PEA15: variants seen among roughly 807,000 people sequenced by gnomAD.
The protein encoded by PEA15 is astrocytic phosphoprotein PEA-15.
For missense variants in PEA15, 77 were observed against 161.3 expected, an observed-to-expected ratio of 0.48 and a Z score of 2.83; for synonymous variants, 60 against 61.8, an observed-to-expected ratio of 0.97 and a Z score of 0.13.
intron 1 of PEA15, among the ~76,000 whole-genome samples, chr1:160,207,849 G>A (rs951769123): frequency 1.3e-5 from 2 of 152,132 alleles, no homozygotes; most frequent in African/African-American, 2.4e-5. Flanking sequence ...CTGCCTCTCC[G>A]TGATTACTTC....
At chr1:160,212,468 A>G (rs1449190727) in intron 2 of PEA15, among the ~76,000 whole-genome samples, 2 of 152,086 alleles carry the variant, frequency 1.3e-5, no homozygotes, top group South Asian at 4.2e-4. Context: ...CAGATATACT[A>G]TTCTGACTGC....
rs1571062962 is a variant in PEA15, at chr1:160,208,650, G to C, written c.-2-2893G>C. Reference sequence around the variant, plus strand: ...GCTCTGCCAAGCCCCACCATGGCCAGGCCAGACCAGCCCAGGTACAACTGT... The same window carrying C: ...GCTCTGCCAAGCCCCACCATGGCCACGCCAGACCAGCCCAGGTACAACTGT... On this transcript the variant is annotated intron_variant, in intron 1 of 3. Transcript: ENST00000360472. The surrounding 1 kb of genome is among the most constrained non-coding windows in gnomAD (Gnocchi z 4.1). The C allele has an allele frequency of 2.6e-6, 4 of 1,550,402 alleles. No homozygotes were observed. In the African/African-American group the frequency reaches 4.1e-5, roughly 16 times the overall value.
At chr1:160,209,895 C>G (rs1461599554) in intron 1 of PEA15, among the ~76,000 whole-genome samples, 7 of 152,260 alleles carry the variant, frequency 4.6e-5, no homozygotes, top group African/African-American at 1.7e-4. Context: ...CTGGTGCTGA[C>G]AGTCAGAGAG....
chr1:160,213,154 C>T lies in PEA15; in HGVS notation c.217C>T (p.Pro73Ser). The T allele has an allele frequency of 6.2e-7, 1 of 1,614,202 alleles. No homozygotes were observed. The highest frequency in any genetic ancestry group is 8.5e-7 in the Non-Finnish European group (1 of 1,180,036). The change falls in exon 3 of 4, where the codon CCT (proline) becomes TCT (serine). Residue 73 changes from proline (P) to serine (S), a missense_variant. Coordinates refer to ENST00000360472, the MANE Select transcript of PEA15 (RefSeq NM_003768.5). This position sits in a 1 kb window ranked among gnomAD's most constrained non-coding sequence, Gnocchi z 5.3. Reference protein sequence around the residue: ...IEHIFEISRRPDLLTMVVDYR... With the variant: ...IEHIFEISRRSDLLTMVVDYR... ...GCACATCTTTGAGATCTCCCGCCGT[C>T]CTGACCTACTCACTATGGTGGTTGA...
At chr1:160,209,689 T>C (rs2101694493) in intron 1 of PEA15, among the ~76,000 whole-genome samples, 1 of 152,266 alleles carries the variant, frequency 6.6e-6, no homozygotes, top group South Asian at 2.1e-4. Flanking sequence ...GGCAGGGTCT[T>C]CTTGTCTCCT....
At chr1:160,211,307 G>A in intron 1 of PEA15, 1 of 1,206,610 alleles carries the variant, frequency 8.3e-7, no homozygotes. Context: ...GATGGTGGGG[G>A]GAAGGAGGTA....
rs777198953 is a variant in PEA15 at position 160,213,375 on chromosome 1, G to GC, written c.329-46dup. 1.9e-6 allele frequency: 3 copies of GC among 1,610,028 alleles called. No individual in the cohort carries two copies. In the East Asian group the frequency reaches 6.7e-5, roughly 36 times the overall value. Reference sequence around the variant, plus strand: ...GGCAGATGCCCAATGGGCCTGCCTGGCATCTCCCACACTGCTGTCCCTGGA... The same window carrying GC: ...GGCAGATGCCCAATGGGCCTGCCTGGCCATCTCCCACACTGCTGTCCCTGGA... On this transcript the variant is annotated intron_variant, in intron 3 of 3. Transcript: ENST00000360472. The surrounding 1 kb of genome is among the most constrained non-coding windows in gnomAD (Gnocchi z 5.3).
Position 160,213,527 on chromosome 1 carries a change from A to T in PEA15, c.*41A>T. On this transcript the variant is annotated 3_prime_UTR_variant, in exon 4 of 4. Transcript: ENST00000360472. The surrounding 1 kb of genome is among the most constrained non-coding windows in gnomAD (Gnocchi z 5.3). The stretch of plus-strand genomic sequence containing the variant: ...AGGAGGAAGGTTGGACCTTCATCAG[A>T]CCACTCCCTTCCCCCATCCTCCAGG... The T allele has an allele frequency of 6.4e-7, 1 of 1,566,918 alleles. No homozygotes were observed.
chr1:160,208,897 G>T lies in PEA15; in HGVS notation c.-2-2646G>T. ...TGTCATCCTAACGACTGGGGGTGGGGGGCACCCAGAACTGAGGTTGCTATA... is the reference window on the plus strand; with the variant it reads ...TGTCATCCTAACGACTGGGGGTGGGTGGCACCCAGAACTGAGGTTGCTATA... On this transcript the variant is annotated intron_variant, in intron 1 of 3. Coordinates refer to ENST00000360472, the MANE Select transcript of PEA15 (RefSeq NM_003768.5). The surrounding 1 kb of genome is among the most constrained non-coding windows in gnomAD (Gnocchi z 4.1). 1 of 539,796 alleles carries T rather than the reference G, an allele frequency of 1.9e-6. No individual in the cohort carries two copies. The highest frequency in any genetic ancestry group is 3.3e-6 in the Non-Finnish European group (1 of 301,314). 33.4% of individuals were successfully genotyped at this position (539,796 alleles called of 1,614,324 possible).
In PEA15 at chr1:160,211,795, C is replaced by A. The variant is rs1457701161; in HGVS notation, c.172+79C>A. The A allele has an allele frequency of 5.8e-6, 8 of 1,378,270 alleles. No homozygotes were observed. The East Asian group carries it at 1.6e-4, about 28-fold the overall frequency. 85.4% of individuals were successfully genotyped at this position (1,378,270 alleles called of 1,614,324 possible). ...TCAGCAAATAGAGATGAGCTCAAAG[C>A]TTTTACATCCACAATGTGTACCCCT... On this transcript the variant is annotated intron_variant, in intron 2 of 3. Transcript: ENST00000360472.
In PEA15 at chr1:160,208,722, G is replaced by T; in HGVS notation, c.-2-2821G>T. 7.0e-7 allele frequency: 1 copy of T among 1,422,628 alleles called. No individual in the cohort carries two copies. The highest frequency in any genetic ancestry group is 1.4e-5 in the African/African-American group (1 of 70,650). 88.1% of individuals were successfully genotyped at this position (1,422,628 alleles called of 1,614,324 possible). ...AGTTCCCCTAAACAACACTCCCTTT[G>T]CTTCTTCTGCCATACTAAGGCCTAG... On this transcript the variant is annotated intron_variant, in intron 1 of 3. Transcript: ENST00000360472. The surrounding 1 kb of genome is among the most constrained non-coding windows in gnomAD (Gnocchi z 4.1).
chr1:160,214,493 C>T lies in PEA15; in HGVS notation c.*1007C>T, dbSNP rs1175789001. The T allele has an allele frequency of 6.6e-6, 1 of 152,660 alleles. No homozygotes were observed. Among genetic ancestry groups the T allele is most frequent in the East Asian group, 1.9e-4 (1 of 5,186 alleles). The allele number at this position is 152,660 out of a possible 1,614,324, so 9.5% of individuals were successfully genotyped here. On this transcript the variant is annotated 3_prime_UTR_variant, in exon 4 of 4. Coordinates refer to ENST00000360472, the MANE Select transcript of PEA15 (RefSeq NM_003768.5). ...TTACTAGATATCCTGGCCCCCTGGG[C>T]TTGTGAACACCTCCTAGCCACATCA...
At position 160,211,465 on chromosome 1, in the gene PEA15, G is replaced by A. The variant is rs1026395879; in HGVS notation, c.-2-78G>A. ...GCCTGGTAGGGCAGAGTGGGGAGTAGGAGGGTAGTGCCAGTGAGTAAACCA... is the reference window on the plus strand; with the variant it reads ...GCCTGGTAGGGCAGAGTGGGGAGTAAGAGGGTAGTGCCAGTGAGTAAACCA... On this transcript the variant is annotated intron_variant, in intron 1 of 3. Coordinates refer to ENST00000360472, the MANE Select transcript of PEA15 (RefSeq NM_003768.5). The A allele has an allele frequency of 6.2e-6, 9 of 1,461,184 alleles. No individual in the cohort carries two copies. The African/African-American group carries it at 1.3e-4, about 20-fold the overall frequency. 90.5% of individuals were successfully genotyped at this position (1,461,184 alleles called of 1,614,324 possible).
At chr1:160,207,173 A>T (rs920012096) in intron 1 of PEA15, 1 of 152,664 alleles carries the variant, frequency 6.6e-6, no homozygotes, top group African/African-American at 2.4e-5. Context: ...GAATATTCAG[A>T]TGGGGACAGT....
Position 160,214,765 on chromosome 1 carries a change from G to C in PEA15, c.*1279G>C, listed in dbSNP as rs1655037167. On this transcript the variant is annotated 3_prime_UTR_variant, in exon 4 of 4. Coordinates refer to ENST00000360472, the MANE Select transcript of PEA15 (RefSeq NM_003768.5). ...GCTACATAGTCCAAACAAAAAAGAAGGCTTTTTCAAAAAACATTAAATTCA... is the reference window on the plus strand; with the variant it reads ...GCTACATAGTCCAAACAAAAAAGAACGCTTTTTCAAAAAACATTAAATTCA... 1 of 152,562 alleles carries C rather than the reference G, an allele frequency of 6.6e-6. No homozygotes were observed. Among genetic ancestry groups the C allele is most frequent in the Admixed American group, 6.6e-5 (1 of 15,260 alleles). The allele number at this position is 152,562 out of a possible 1,614,324, so 9.5% of individuals were successfully genotyped here.
intron 1 of PEA15, among the ~76,000 whole-genome samples, chr1:160,207,758 C>G (rs946835331): frequency 2.0e-5 from 3 of 152,168 alleles, no homozygotes; most frequent in South Asian, 2.1e-4. Context: ...AGGAAATAAA[C>G]TACAGGACTG....
intron 1 of PEA15, chr1:160,211,213 G>C: frequency 2.4e-6 from 2 of 849,608 alleles, no homozygotes; most frequent in Non-Finnish European, 2.9e-6. Flanking sequence ...GAGAAAGTCG[G>C]GAGCAGGTTG....
rs560683460 is a variant in PEA15, at chr1:160,208,067, A to G, written c.-3+2545A>G. Among the ~76,000 whole-genome samples, 3 of 152,230 alleles carry G rather than the reference A, an allele frequency of 2.0e-5. No individual in the cohort carries two copies. The highest frequency in any genetic ancestry group is 4.4e-5 in the Non-Finnish European group (3 of 68,040). On this transcript the variant is annotated intron_variant, in intron 1 of 3. Coordinates refer to ENST00000360472, the MANE Select transcript of PEA15 (RefSeq NM_003768.5). The surrounding 1 kb of genome is among the most constrained non-coding windows in gnomAD (Gnocchi z 4.1). ...CAGAGGATTTGGAACCAAACGTTAG[A>G]AGGGATAATCTACCACGACTTAATG...
intron 1 of PEA15, among the ~76,000 whole-genome samples, chr1:160,207,817 TA>T (rs1654666729): frequency 6.6e-6 from 1 of 152,220 alleles, no homozygotes. Flanking sequence ...GCTGGACCCC[TA>T]CTCTCTCCCT....
Sources: allele counts gnomAD v4.1 joint callset (sites outside exome capture counted in the v4.1 genomes callset), GRCh38; gene constraint gnomAD v4.1.1; non-coding constraint Gnocchi (gnomAD v3.1); transcripts MANE v1.5; gene names NCBI Gene and HGNC (gene_info 2026-07-23, HGNC 2026-07-21).